The following VPS45 variants were observed in gnomAD, a reference collection of about 807,000 sequenced individuals.
VPS45 encodes vacuolar protein sorting-associated protein 45.
A neutral mutation model predicts 75.9 loss-of-function variants in VPS45; 35 were observed. The ratio of observed to expected loss-of-function variants is 0.46; its 90% CI spans 0.35 to 0.61. The LOEUF (loss-of-function observed/expected upper bound fraction) is 0.61, where lower values mean the gene tolerates loss of function less well. VPS45 is among the 20% of genes least tolerant of loss of function. The pLI, the probability that VPS45 is intolerant of heterozygous loss-of-function variation, is 0.00. For missense variants in VPS45, 559 were observed against 685.9 expected (o/e 0.81, Z 2.07); for synonymous variants, 220 against 238.2 (o/e 0.92, Z 0.70).
intron 13 of VPS45, among the ~76,000 whole-genome samples, chr1:150,095,222 G>A (rs1553802787): frequency 6.6e-6 from 1 of 152,156 alleles, no homozygotes; most frequent in East Asian, 1.9e-4. Flanking sequence ...AATAAATAGG[G>A]TGATGAGCTT....
At chr1:150,143,302 G>A (rs948260572) in intron 14 of VPS45, among the ~76,000 whole-genome samples, 4 of 152,084 alleles carry the variant, frequency 2.6e-5, no homozygotes, top group Admixed American at 2.0e-4. Flanking sequence ...TGAAGAATAA[G>A]GTTCTTGCCA....
At chr1:150,073,851 C>G (rs1287235160) in intron 3 of VPS45, among the ~76,000 whole-genome samples, 3 of 152,038 alleles carry the variant, frequency 2.0e-5, no homozygotes, top group Non-Finnish European at 4.4e-5. Flanking sequence ...CCTCATTAAC[C>G]CTGGTAACCA....
At chr1:150,078,740 C>A (rs1410344187) in intron 7 of VPS45, among the ~76,000 whole-genome samples, 1 of 151,368 alleles carries the variant, frequency 6.6e-6, no homozygotes, top group South Asian at 2.1e-4. Context: ...CCAGCCAGGG[C>A]GACAGAGCAA....
intron 14 of VPS45, among the ~76,000 whole-genome samples, chr1:150,139,277 C>T (rs1659261800): frequency 6.6e-6 from 1 of 152,094 alleles, no homozygotes; most frequent in South Asian, 2.1e-4. Context: ...CATTCCTTAC[C>T]TCTCCAATCT....
rs587618810 is a variant in VPS45, at chr1:150,141,615, T to C, written c.1626-3094T>C. ...AAATCAGGGTTGGGGTTCTGCTTTT[T>C]TCCACCCACCTTCCTTCTATACATG... On this transcript the variant is annotated intron_variant, in intron 14 of 14. Coordinates refer to ENST00000644510, the MANE Select transcript of VPS45 (RefSeq NM_007259.5). Among the ~76,000 whole-genome samples, 13 of 152,292 alleles carry C rather than the reference T, an allele frequency of 8.5e-5. No individual in the cohort carries two copies. In the East Asian group the frequency reaches 2.5e-3, roughly 29 times the overall value.
At chr1:150,086,328 A>G (rs776673144) in intron 10 of VPS45, among the ~76,000 whole-genome samples, 151 of 152,290 alleles carry the variant, frequency 9.9e-4, no homozygotes, top group Non-Finnish European at 1.9e-3. Flanking sequence ...TAAAACACTT[A>G]TGGTACTTGG....
chr1:150,136,603 A>G (rs1169696986), intron 14 of VPS45, among the ~76,000 whole-genome samples: 1 of 152,052 alleles, frequency 6.6e-6, no homozygotes, highest in African/African-American at 2.4e-5. Context: ...ACAGAAGTTA[A>G]ACAAAATGTA....
chr1:150,101,677 T>C (rs1439531821), intron 13 of VPS45, among the ~76,000 whole-genome samples: 4 of 150,662 alleles, frequency 2.7e-5, no homozygotes, highest in Non-Finnish European at 5.9e-5. Flanking sequence ...AAGGTTGCAG[T>C]GAGCTGAGAT....
chr1:150,079,511 A>G (rs957860578), intron 7 of VPS45, among the ~76,000 whole-genome samples: 1 of 151,888 alleles, frequency 6.6e-6, no homozygotes, highest in African/African-American at 2.4e-5. Context: ...AGCAATTCTC[A>G]TGCCCCAGCT....
chr1:150,092,225 C>T, intron 11 of VPS45, 77 bp from the exon 12 acceptor site: 6 of 1,532,102 alleles, frequency 3.9e-6, no homozygotes, highest in Admixed American at 2.0e-5. Context: ...ATTTTTGTTT[C>T]CTTAATAAAA....
chr1:150,068,764 G>A lies in VPS45; in HGVS notation c.228G>A (p.Lys76=), dbSNP rs587709637. Residue 76 remains lysine, a splice_region_variant and synonymous_variant, in exon 2 of 15, where the codon AAG becomes AAA. Coordinates refer to ENST00000644510, the MANE Select transcript of VPS45 (RefSeq NM_007259.5). ...LKAICFLRPT[K]ENVDYIIQEL... is the part of the protein sequence containing the mutation. Reference sequence around the variant, plus strand: ...CAATTTGTTTTCTTCGACCTACAAAGGTACTGCATAAACTGAGCTTCCATC... The same window carrying A: ...CAATTTGTTTTCTTCGACCTACAAAAGTACTGCATAAACTGAGCTTCCATC... 3.1e-6 allele frequency: 5 copies of A among 1,606,912 alleles called. No homozygotes were observed. In the African/African-American group the frequency reaches 6.7e-5, roughly 22 times the overall value.
intron 10 of VPS45, among the ~76,000 whole-genome samples, chr1:150,086,026 T>C (rs1553800594): frequency 1.3e-5 from 2 of 152,060 alleles, no homozygotes; most frequent in South Asian, 2.1e-4. Context: ...AGTTTTTCAT[T>C]TGGAGAGAGG....
At chr1:150,123,800 G>C (rs1006831384) in intron 14 of VPS45, among the ~76,000 whole-genome samples, 3 of 152,104 alleles carry the variant, frequency 2.0e-5, no homozygotes, top group Non-Finnish European at 2.9e-5. Context: ...AGGGAAAAAG[G>C]GTGGCTAGGT....
intron 14 of VPS45, among the ~76,000 whole-genome samples, chr1:150,130,198 C>CTTTTTTTTTT (rs34302545): frequency 1.2e-5 from 1 of 86,328 alleles, no homozygotes; most frequent in African/African-American, 5.0e-5. Flanking sequence ...CACACACACA[C>CTTTTTTTTTT]TTTTTTTTTT....
In VPS45 at chr1:150,072,244, CT is replaced by C; in HGVS notation, c.289+23del. Reference sequence around the variant, plus strand: ...TTTCATTTGTAAGTATGTTAGTTCACTTTTTCAAACATGTAACAACATCCCA... The same window carrying C: ...TTTCATTTGTAAGTATGTTAGTTCACTTTTCAAACATGTAACAACATCCCA... On this transcript the variant is annotated intron_variant, in intron 3 of 14. Coordinates refer to ENST00000644510, the MANE Select transcript of VPS45 (RefSeq NM_007259.5). 1 of 1,568,282 alleles carries C rather than the reference CT, an allele frequency of 6.4e-7. No individual in the cohort carries two copies.
intron 3 of VPS45, among the ~76,000 whole-genome samples, chr1:150,074,600 C>T (rs1655264383): frequency 6.6e-6 from 1 of 152,156 alleles, no homozygotes; most frequent in African/African-American, 2.4e-5. Context: ...AGTGCAACTG[C>T]TGAGTCATAT....
chr1:150,073,312 A>G (rs1192031220), intron 3 of VPS45, among the ~76,000 whole-genome samples: 1 of 152,208 alleles, frequency 6.6e-6, no homozygotes, highest in African/African-American at 2.4e-5. Context: ...GGTTTAGACT[A>G]CAGTCTAAGA....
At chr1:150,098,510 C>G (rs1322348438) in intron 13 of VPS45, among the ~76,000 whole-genome samples, 4 of 152,190 alleles carry the variant, frequency 2.6e-5, no homozygotes, top group Non-Finnish European at 4.4e-5. Flanking sequence ...GCTCTGTATT[C>G]ACTTGGCCAC....
intron 14 of VPS45, among the ~76,000 whole-genome samples, chr1:150,120,937 G>A (rs1263258176): frequency 6.8e-6 from 1 of 148,014 alleles, no homozygotes; most frequent in Non-Finnish European, 1.5e-5. Context: ...GCGCGATCTC[G>A]GCTCACTGCA....
Sources: allele counts gnomAD v4.1 joint callset (sites outside exome capture counted in the v4.1 genomes callset), GRCh38; gene constraint gnomAD v4.1.1; transcripts MANE v1.5; gene names NCBI Gene and HGNC (gene_info 2026-07-23, HGNC 2026-07-21).